IQCJ: variants seen among roughly 807,000 people sequenced by gnomAD.
IQCJ encodes IQ domain-containing protein J.
In IQCJ, 9 loss-of-function variants were observed where a neutral mutation model predicts 11.0. The observed-to-expected ratio is 0.82, with a 90% CI of 0.49 to 1.43. The LOEUF is 1.43. IQCJ is among the 40% of genes most tolerant of loss of function. IQCJ has a pLI of 0.00. For missense variants in IQCJ, 146 were observed against 133.2 expected (o/e 1.10, Z -0.47); for synonymous variants, 55 against 51.3 (o/e 1.07, Z -0.31).
At chr3:159,131,888 A>G (rs2108162405) in intron 1 of IQCJ, among the ~76,000 whole-genome samples, 1 of 152,274 alleles carries the variant, frequency 6.6e-6, no homozygotes, top group South Asian at 2.1e-4. Context: ...GTTTTTGTGC[A>G]GAGAGTACCT....
intron 1 of IQCJ, among the ~76,000 whole-genome samples, chr3:159,145,825 T>A (rs1720898259): frequency 6.6e-6 from 1 of 152,130 alleles, no homozygotes; most frequent in African/African-American, 2.4e-5. Flanking sequence ...AACATATAGG[T>A]CAAAGTGAGA....
At chr3:159,181,534 C>T (rs963041744) in intron 1 of IQCJ, among the ~76,000 whole-genome samples, 1 of 150,888 alleles carries the variant, frequency 6.6e-6, no homozygotes, top group African/African-American at 2.5e-5. Flanking sequence ...GGAAATCCAC[C>T]AGGGATTTCC....
intron 1 of IQCJ, among the ~76,000 whole-genome samples, chr3:159,226,843 A>G (rs1339423200): frequency 6.6e-6 from 1 of 152,214 alleles, no homozygotes; most frequent in Non-Finnish European, 1.5e-5. Flanking sequence ...GGTGATGGTC[A>G]CAGGAGTTTA....
rs559617035 is a variant in IQCJ, at chr3:159,210,758, C to G, written c.10-35085C>G. ...CAATCTCGGCCCACTGCAACCTCCC[C>G]CTCCCGGATTCCAGTGATTCTCCTG... On this transcript the variant is annotated intron_variant, in intron 1 of 3. Transcript: ENST00000397832. 5.3e-5 allele frequency among the ~76,000 whole-genome samples: 8 copies of G among 152,260 alleles called. No homozygotes were observed. The South Asian group carries it at 1.5e-3, about 28-fold the overall frequency.
chr3:159,151,821 G>A (rs1721243523), intron 1 of IQCJ, among the ~76,000 whole-genome samples: 1 of 152,154 alleles, frequency 6.6e-6, no homozygotes, highest in African/African-American at 2.4e-5. Context: ...ATTTTTAGTA[G>A]AGACGGGGTT....
At chr3:159,094,422 CTTTTTTTTTTTTTT>C (rs71302258) in intron 1 of IQCJ, among the ~76,000 whole-genome samples, 1 of 71,714 alleles carries the variant, frequency 1.4e-5, no homozygotes, top group African/African-American at 6.0e-5. Context: ...ACAGGATCTG[CTTTTTTTTTTTTTT>C]TTTTTTTTTT....
At chr3:159,141,314 G>T (rs1412905956) in intron 1 of IQCJ, among the ~76,000 whole-genome samples, 1 of 152,146 alleles carries the variant, frequency 6.6e-6, no homozygotes, top group Non-Finnish European at 1.5e-5. Context: ...TAAATGAGGA[G>T]GTGGAGGTGA....
chr3:159,235,040 G>T (rs34442071), intron 1 of IQCJ, among the ~76,000 whole-genome samples: 14,776 of 152,158 alleles, frequency 0.097, 918 homozygotes, highest in Middle Eastern at 0.13. Context: ...TTGGTGTATG[G>T]ATTCACGTAT....
In IQCJ at chr3:159,262,298, G is replaced by C. The variant is rs920499981; in HGVS notation, c.156-250G>C. 4.6e-5 allele frequency among the ~76,000 whole-genome samples: 7 copies of C among 152,210 alleles called. No homozygotes were observed. In the South Asian group the frequency reaches 1.0e-3, roughly 22 times the overall value. On this transcript the variant is annotated intron_variant, in intron 3 of 3. Coordinates refer to ENST00000397832, the MANE Select transcript of IQCJ (RefSeq NM_001042706.3). ...GACTGATGAATTTTATTATTAAGTT[G>C]ACTCTTTTAGGCCGGTTGAGTGCAG...
At chr3:159,156,549 C>A (rs59707536) in intron 1 of IQCJ, among the ~76,000 whole-genome samples, 3,022 of 152,244 alleles carry the variant, frequency 0.02, 102 homozygotes, top group African/African-American at 0.07. Flanking sequence ...GTGAAATGAG[C>A]AGATGAGATT....
intron 1 of IQCJ, among the ~76,000 whole-genome samples, chr3:159,116,323 C>T (rs1449588864): frequency 6.6e-6 from 1 of 151,934 alleles, no homozygotes; most frequent in Non-Finnish European, 1.5e-5. Flanking sequence ...AATAATCTTT[C>T]AAAATTCTCA....
At chr3:159,222,426 CAAA>C (rs1292077803) in intron 1 of IQCJ, among the ~76,000 whole-genome samples, 1 of 152,090 alleles carries the variant, frequency 6.6e-6, no homozygotes, top group Non-Finnish European at 1.5e-5. Flanking sequence ...ATGCCAGGCA[CAAA>C]AAGAAAAATA....
At chr3:159,188,881 T>C (rs567477850) in intron 1 of IQCJ, among the ~76,000 whole-genome samples, 2 of 152,338 alleles carry the variant, frequency 1.3e-5, no homozygotes, top group East Asian at 3.9e-4. Flanking sequence ...GTTCATTTAA[T>C]GGTTTTAGGA....
intron 1 of IQCJ, among the ~76,000 whole-genome samples, chr3:159,199,911 G>A (rs1324668304): frequency 1.3e-5 from 2 of 151,430 alleles, no homozygotes; most frequent in African/African-American, 4.9e-5. Context: ...CTGGGTTCAA[G>A]CTACTTCCTA....
chr3:159,264,663 G>C (rs1211168860), downstream of IQCJ, among the ~76,000 whole-genome samples: 1 of 152,158 alleles, frequency 6.6e-6, no homozygotes, highest in Non-Finnish European at 1.5e-5. Flanking sequence ...TGTAATCCCA[G>C]CACTTTGGGA....
At position 159,081,323 on chromosome 3, in the gene IQCJ, T is replaced by C. The variant is rs140414749; in HGVS notation, c.9+11882T>C. 3.8e-3 allele frequency among the ~76,000 whole-genome samples: 585 copies of C among 152,220 alleles called. 5 individuals are homozygous for C. The highest frequency in any genetic ancestry group is 0.012 in the African/African-American group (519 of 41,540). ...CGCCTCATTGCCCAGGACTGTGCCA[T>C]AGGCCCCTTCCTAAACCAAACATTG... On this transcript the variant is annotated intron_variant, in intron 1 of 3. Coordinates refer to ENST00000397832, the MANE Select transcript of IQCJ (RefSeq NM_001042706.3).
chr3:159,168,191 A>G, intron 1 of IQCJ, among the ~76,000 whole-genome samples: 1 of 152,194 alleles, frequency 6.6e-6, no homozygotes, highest in East Asian at 1.9e-4. Context: ...TCCGGCCTTT[A>G]CCAGTCTCCT....
At chr3:159,106,682 T>C (rs1218560543) in intron 1 of IQCJ, among the ~76,000 whole-genome samples, 1 of 152,132 alleles carries the variant, frequency 6.6e-6, no homozygotes, top group Non-Finnish European at 1.5e-5. Context: ...TATAACACTA[T>C]CTACGTAGAG....
At chr3:159,256,871 G>A (rs965289639) in intron 3 of IQCJ, among the ~76,000 whole-genome samples, 2 of 152,038 alleles carry the variant, frequency 1.3e-5, no homozygotes, top group Non-Finnish European at 2.9e-5. Flanking sequence ...GTTTATCTAG[G>A]AGCTCTATTT....
Sources: gnomAD v4.1 joint callset for allele counts (sites outside exome capture counted in the v4.1 genomes callset) on GRCh38, gnomAD v4.1.1 for gene constraint, MANE v1.5 for transcripts, NCBI Gene and HGNC (gene_info 2026-07-23, HGNC 2026-07-21) for gene names.